RBFOX1: variants seen among roughly 807,000 people sequenced by gnomAD.
RBFOX1 encodes RNA binding fox-1 homolog 1.
A neutral mutation model predicts 57.7 loss-of-function variants in RBFOX1; 8 were observed. The ratio of observed to expected loss-of-function variants is 0.14; its 90% CI spans 0.08 to 0.25. The LOEUF is 0.25. Ranked by LOEUF, RBFOX1 falls within the 10% of genes least tolerant of loss-of-function variation. The pLI is 1.00. For synonymous variants in RBFOX1, 326 were observed against 222.4 expected, an observed-to-expected ratio of 1.47 and a Z score of -4.15; for missense variants, 611 against 548.5, an observed-to-expected ratio of 1.11 and a Z score of -1.14.
intron 3 of RBFOX1, among the ~76,000 whole-genome samples, chr16:6,664,659 T>A (rs1209704380): frequency 6.6e-6 from 1 of 152,174 alleles, no homozygotes; most frequent in Non-Finnish European, 1.5e-5. Context: ...TAGCAGAGAT[T>A]ATGAATCCAG....
chr16:6,769,101 C>T (rs1368989105), intron 3 of RBFOX1, among the ~76,000 whole-genome samples: 2 of 152,106 alleles, frequency 1.3e-5, no homozygotes, highest in Non-Finnish European at 2.9e-5. Context: ...CTTGAATTCC[C>T]ACGTGTTGTG....
intron 4 of RBFOX1, among the ~76,000 whole-genome samples, chr16:5,911,092 C>G (rs75929318): frequency 0.02 from 3,015 of 152,270 alleles, 52 homozygotes; most frequent in Middle Eastern, 0.054. Flanking sequence ...TCTAGGGGAA[C>G]AGAAACTAAG....
chr16:6,576,121 G>C (rs191595905), intron 2 of RBFOX1, among the ~76,000 whole-genome samples: 5 of 152,118 alleles, frequency 3.3e-5, no homozygotes, highest in Admixed American at 3.3e-4. Flanking sequence ...TTTATGATTA[G>C]CATCTACTTT....
chr16:7,704,299 A>G (rs1264642927), intron 14 of RBFOX1, among the ~76,000 whole-genome samples: 1 of 152,166 alleles, frequency 6.6e-6, no homozygotes. Flanking sequence ...GTCCTCTTTT[A>G]TATCTTTGTT....
intron 13 of RBFOX1, among the ~76,000 whole-genome samples, chr16:7,670,437 G>A (rs1178981590): frequency 7.9e-5 from 12 of 152,164 alleles, no homozygotes; most frequent in Admixed American, 7.9e-4. Flanking sequence ...TAATGCTGAA[G>A]CCCTGAGCCC....
intron 4 of RBFOX1, among the ~76,000 whole-genome samples, chr16:7,087,410 A>G (rs2060156093): frequency 6.6e-6 from 1 of 152,140 alleles, no homozygotes; most frequent in Non-Finnish European, 1.5e-5. Context: ...GAATATTGCT[A>G]GTATCATCAG....
intron 3 of RBFOX1, among the ~76,000 whole-genome samples, chr16:7,034,296 C>G (rs1296480738): frequency 1.3e-5 from 2 of 152,150 alleles, no homozygotes; most frequent in Non-Finnish European, 2.9e-5. Context: ...GGTAAGGTCC[C>G]TGTAAGAAGT....
chr16:6,395,511 T>C (rs1290024648), intron 2 of RBFOX1, among the ~76,000 whole-genome samples: 1 of 152,188 alleles, frequency 6.6e-6, no homozygotes, highest in Non-Finnish European at 1.5e-5. Flanking sequence ...TGTAGATATT[T>C]AAGTTCTTAC....
chr16:6,098,970 A>C (rs1182611060), intron 1 of RBFOX1, among the ~76,000 whole-genome samples: 1 of 152,118 alleles, frequency 6.6e-6, no homozygotes, highest in African/African-American at 2.4e-5. Context: ...TGTAGTTCTG[A>C]TACTATTAAT....
chr16:7,117,479 G>T (rs2066168563), intron 4 of RBFOX1, among the ~76,000 whole-genome samples: 1 of 152,088 alleles, frequency 6.6e-6, no homozygotes, highest in Admixed American at 6.6e-5. Context: ...ATTACTTAAT[G>T]TGTGAGTTTA....
intron 3 of RBFOX1, among the ~76,000 whole-genome samples, chr16:6,976,892 A>T (rs2087054873): frequency 6.8e-6 from 1 of 146,798 alleles, no homozygotes; most frequent in South Asian, 2.1e-4. Flanking sequence ...TATCACATAT[A>T]TGGTGTATAT....
At chr16:6,084,734 G>A (rs1228587219) in intron 1 of RBFOX1, among the ~76,000 whole-genome samples, 3 of 152,028 alleles carry the variant, frequency 2.0e-5, no homozygotes, top group African/African-American at 7.2e-5. Flanking sequence ...AGGGTATTCA[G>A]AGGGCCCACC....
chr16:6,560,294 GGA>G (rs969613077), intron 2 of RBFOX1, among the ~76,000 whole-genome samples: 1 of 151,596 alleles, frequency 6.6e-6, no homozygotes, highest in African/African-American at 2.4e-5. Context: ...GCAGTGCTAT[GGA>G]AAAAAGAAAA....
At chr16:5,679,346 TA>T (rs1394276300) in intron 3 of RBFOX1, among the ~76,000 whole-genome samples, 2 of 151,634 alleles carry the variant, frequency 1.3e-5, no homozygotes, top group Non-Finnish European at 2.9e-5. Context: ...TTTTTTTTTT[TA>T]AAAAACAATT....
At chr16:6,827,647 C>T (rs78246114) in intron 3 of RBFOX1, among the ~76,000 whole-genome samples, 453 of 152,278 alleles carry the variant, frequency 3.0e-3, no homozygotes, top group African/African-American at 0.01. Context: ...TCACCTCCTT[C>T]CCCCTCCTCA....
chr16:6,774,116 T>C, intron 3 of RBFOX1: 2 of 628,022 alleles, frequency 3.2e-6, no homozygotes, highest in Non-Finnish European at 4.0e-6. Flanking sequence ...TTTTGTAAAA[T>C]ACCAAGTTAT....
chr16:6,976,176 C>G (rs1183118805), intron 3 of RBFOX1, among the ~76,000 whole-genome samples: 4 of 151,994 alleles, frequency 2.6e-5, no homozygotes, highest in African/African-American at 4.8e-5. Context: ...TGGTGCTTTG[C>G]TATGATTTCT....
chr16:7,435,789 G>A (rs2098716906), intron 4 of RBFOX1, among the ~76,000 whole-genome samples: 1 of 152,160 alleles, frequency 6.6e-6, no homozygotes, highest in African/African-American at 2.4e-5. Context: ...CACAGCCACA[G>A]TGCCAGATCC....
At chr16:6,526,015 T>C (rs867169122) in intron 2 of RBFOX1, among the ~76,000 whole-genome samples, 2 of 152,064 alleles carry the variant, frequency 1.3e-5, no homozygotes, top group African/African-American at 4.8e-5. Context: ...AGTATGAGAT[T>C]GGGAAAAATG....
Sources: allele counts gnomAD v4.1 joint callset (sites outside exome capture counted in the v4.1 genomes callset), GRCh38; gene constraint gnomAD v4.1.1; transcripts MANE v1.5; gene names NCBI Gene and HGNC (gene_info 2026-07-23, HGNC 2026-07-21).